Variants in SLC35D1 observed in about 807,000 individuals in gnomAD.
SLC35D1 encodes nucleotide sugar transporter SLC35D1.
A neutral mutation model predicts 46.7 loss-of-function variants in SLC35D1; 31 were observed. That is an observed-to-expected ratio of 0.66 (90% CI 0.50 to 0.90). The LOEUF (loss-of-function observed/expected upper bound fraction) is 0.90, where lower values mean the gene tolerates loss of function less well. Among genes scored for constraint, SLC35D1 ranks in the 40% least tolerant of loss-of-function variants. The pLI is 0.00. For synonymous variants in SLC35D1, 195 were observed against 164.6 expected (o/e 1.18, Z -1.41); for missense variants, 397 against 426.2 (o/e 0.93, Z 0.60).
rs769118530 is a variant in SLC35D1, at chr1:67,052,861, T to C, written c.238-4A>G. On this transcript the variant is annotated splice_polypyrimidine_tract_variant and splice_region_variant and intron_variant, in intron 2 of 11. Transcript: ENST00000235345. ...GAACTGCCACTGTGGCCACCATCTG[T>C]AAACAAGAGAACACAGATTCACTGT... 11 of 1,614,000 alleles carry C rather than the reference T, an allele frequency of 6.8e-6. 1 individual carries two copies. The Admixed American group carries it at 1.8e-4, about 27-fold the overall frequency.
In SLC35D1 at chr1:67,009,559, T is replaced by C. The variant is rs373689212; in HGVS notation, c.877-392A>G. ...GATATTTCTCAAAAGAAAACATACA[T>C]GCAGCAAACAAATATAGGAAAAAAG... On this transcript the variant is annotated intron_variant, in intron 10 of 11. Coordinates refer to ENST00000235345, the MANE Select transcript of SLC35D1 (RefSeq NM_015139.3). Among the ~76,000 whole-genome samples the C allele has an allele frequency of 2.4e-4, 37 of 152,204 alleles. No individual in the cohort carries two copies. In the East Asian group the frequency reaches 7.1e-3, roughly 29 times the overall value.
the SLC35D1 span, among the ~76,000 whole-genome samples, chr1:66,991,348 A>G: frequency 6.6e-6 from 1 of 152,230 alleles, no homozygotes; most frequent in African/African-American, 2.4e-5. Context: ...AAACAATTAC[A>G]TAGATGTCAG....
At chr1:67,038,834 T>TACACAC (rs112186155) in intron 8 of SLC35D1, among the ~76,000 whole-genome samples, 32,114 of 130,578 alleles carry the variant, frequency 0.25, 3,718 homozygotes, top group Non-Finnish European at 0.3. Context: ...TAAATATGTA[T>TACACAC]ACACACACAC....
chr1:67,006,564 T>C (rs1216597414), intron 11 of SLC35D1, among the ~76,000 whole-genome samples: 1 of 152,218 alleles, frequency 6.6e-6, no homozygotes, highest in Non-Finnish European at 1.5e-5. Flanking sequence ...ATTAATCCTA[T>C]TTAAACTGGA....
chr1:66,974,243 G>A, the SLC35D1 span, among the ~76,000 whole-genome samples: 1 of 151,966 alleles, frequency 6.6e-6, no homozygotes, highest in African/African-American at 2.4e-5. Flanking sequence ...TAACTTAGAA[G>A]ACAATGTAAT....
At chr1:67,018,415 G>A (rs1024833062) in intron 10 of SLC35D1, among the ~76,000 whole-genome samples, 2 of 152,138 alleles carry the variant, frequency 1.3e-5, no homozygotes, top group Admixed American at 1.3e-4. Flanking sequence ...TGGAAAACCT[G>A]TAGGTATATA....
chr1:66,975,067 T>G, the SLC35D1 span, among the ~76,000 whole-genome samples: 1 of 152,132 alleles, frequency 6.6e-6, no homozygotes, highest in Admixed American at 6.5e-5. Context: ...AGCTGTACAG[T>G]GCAAACGGGA....
the SLC35D1 span, among the ~76,000 whole-genome samples, chr1:66,982,542 G>T: frequency 2.6e-5 from 4 of 152,174 alleles, no homozygotes; most frequent in Admixed American, 2.6e-4. Context: ...AAGAGCCAGA[G>T]AATTATTTTG....
chr1:67,041,528 A>G (rs567299638), intron 8 of SLC35D1, among the ~76,000 whole-genome samples: 5 of 152,374 alleles, frequency 3.3e-5, no homozygotes, highest in Admixed American at 1.3e-4. Flanking sequence ...AATCATTAGA[A>G]GGAATCTTGG....
chr1:67,008,340 T>C, intron 11 of SLC35D1: 10 of 1,007,860 alleles, frequency 9.9e-6, no homozygotes, highest in Non-Finnish European at 1.3e-5. Flanking sequence ...GGTATCACCA[T>C]GTTGGCCAGG....
intron 11 of SLC35D1, among the ~76,000 whole-genome samples, chr1:67,008,799 G>C (rs976840253): frequency 6.6e-6 from 1 of 152,062 alleles, no homozygotes; most frequent in Admixed American, 6.6e-5. Context: ...GTAGAGACGG[G>C]GTTTCACAAC....
chr1:67,042,427 C>T, intron 7 of SLC35D1, 99 bp from the exon 8 acceptor site: 1 of 958,560 alleles, frequency 1.0e-6, no homozygotes, highest in South Asian at 1.3e-5. Flanking sequence ...TACACAAACA[C>T]ACACACCCTC....
intron 4 of SLC35D1, among the ~76,000 whole-genome samples, chr1:67,051,176 G>T (rs1272289794): frequency 6.6e-6 from 1 of 152,184 alleles, no homozygotes; most frequent in Non-Finnish European, 1.5e-5. Flanking sequence ...TGATAAATCT[G>T]ACTTCCTTGG....
chr1:67,010,641 A>G (rs1667544153), intron 10 of SLC35D1, among the ~76,000 whole-genome samples: 1 of 152,232 alleles, frequency 6.6e-6, no homozygotes, highest in South Asian at 2.1e-4. Flanking sequence ...TAATATTTCC[A>G]TTACACTTAC....
intron 11 of SLC35D1, among the ~76,000 whole-genome samples, chr1:67,005,368 C>T (rs566055367): frequency 2.0e-4 from 30 of 152,298 alleles, no homozygotes; most frequent in African/African-American, 6.0e-4. Context: ...AGCCCCAGAC[C>T]AGCTGCAGAA....
chr1:66,992,584 T>C, the SLC35D1 span, among the ~76,000 whole-genome samples: 1 of 152,262 alleles, frequency 6.6e-6, no homozygotes, highest in Admixed American at 6.5e-5. Flanking sequence ...CAATGTCGGA[T>C]GCCTGTATCC....
chr1:66,985,079 C>G, the SLC35D1 span: 1 of 1,335,340 alleles, frequency 7.5e-7, no homozygotes, highest in Non-Finnish European at 9.6e-7. Context: ...TACTTTAAAG[C>G]TGTCAGACTC....
At chr1:66,978,471 G>A in the SLC35D1 span, among the ~76,000 whole-genome samples, 2 of 152,046 alleles carry the variant, frequency 1.3e-5, no homozygotes, top group African/African-American at 2.4e-5. Flanking sequence ...ATAAATAGCA[G>A]TATTGCAAAT....
chr1:67,018,713 C>T (rs1380789959), intron 10 of SLC35D1, among the ~76,000 whole-genome samples: 4 of 152,066 alleles, frequency 2.6e-5, no homozygotes, highest in Non-Finnish European at 5.9e-5. Context: ...GAATGCTGAC[C>T]GAAGGATTTG....
Sources: gnomAD v4.1 joint callset for allele counts (sites outside exome capture counted in the v4.1 genomes callset) on GRCh38, gnomAD v4.1.1 for gene constraint, MANE v1.5 for transcripts, NCBI Gene and HGNC (gene_info 2026-07-23, HGNC 2026-07-21) for gene names.